The following MOCOS variants were observed in gnomAD, a reference collection of about 807,000 sequenced individuals.
MOCOS encodes molybdenum cofactor sulfurase, also known as human molybdenum cofactor sulfurase.
A neutral mutation model predicts 83.6 loss-of-function variants in MOCOS; 86 were observed. The observed-to-expected ratio is 1.03, with a 90% CI of 0.86 to 1.23. The LOEUF (loss-of-function observed/expected upper bound fraction) is 1.23, where lower values mean the gene tolerates loss of function less well. MOCOS is among the 50% of genes most tolerant of loss of function. The probability of loss-of-function intolerance (pLI) is 0.00; values close to 1 mark genes in which losing one functional copy is unlikely to be tolerated. For synonymous variants in MOCOS, 445 were observed against 434.7 expected (o/e 1.02, Z -0.29); for missense variants, 1,120 against 1,126.9 (o/e 0.99, Z 0.09).
chr18:36,242,969 C>A (rs2091589361), intron 9 of MOCOS, among the ~76,000 whole-genome samples: 1 of 152,108 alleles, frequency 6.6e-6, no homozygotes, highest in South Asian at 2.1e-4. Context: ...TTATTGTTTT[C>A]CTTGTAGGTA....
chr18:36,210,276 T>C (rs2091449582), intron 6 of MOCOS, among the ~76,000 whole-genome samples: 1 of 152,198 alleles, frequency 6.6e-6, no homozygotes, highest in Non-Finnish European at 1.5e-5. Context: ...AGAATACTAT[T>C]GGGCAATATT....
At chr18:36,201,234 C>T (rs2144902504) in intron 4 of MOCOS, among the ~76,000 whole-genome samples, 1 of 152,288 alleles carries the variant, frequency 6.6e-6, no homozygotes, top group East Asian at 1.9e-4. Flanking sequence ...AGGGCCATGG[C>T]CTTGACGATA....
chr18:36,189,179 C>A (rs1227092390), intron 1 of MOCOS, among the ~76,000 whole-genome samples: 1 of 152,106 alleles, frequency 6.6e-6, no homozygotes, highest in African/African-American at 2.4e-5. Flanking sequence ...ATGTTCTGGT[C>A]CCCTCCTGGT....
At position 36,268,602 on chromosome 18, in the gene MOCOS, T is replaced by C; in HGVS notation, c.2584T>C (p.Ser862Pro). The stretch of plus-strand genomic sequence containing the variant: ...CTCCCCATGTTTCCTGTCTGTAGGA[T>C]CTCAGGTGCTCCCTGTGTTGAAAGA... The part of the protein sequence containing the change: ...LSSPCFLSVG[S>P]QVLPVLKENV... Residue 862 changes from serine to proline, a missense_variant, in exon 15 of 15, where the codon TCT becomes CCT. Transcript: ENST00000261326. 6.2e-7 allele frequency: 1 copy of C among 1,614,136 alleles called. No homozygotes were observed. The highest frequency in any genetic ancestry group is 8.5e-7 in the Non-Finnish European group (1 of 1,180,000).
chr18:36,208,320 T>C (rs1598875085), intron 6 of MOCOS, among the ~76,000 whole-genome samples: 1 of 144,094 alleles, frequency 6.9e-6, no homozygotes, highest in South Asian at 2.2e-4. Flanking sequence ...AGTTTTTTTT[T>C]CTAATTCCAT....
intron 2 of MOCOS, 54 bp from the exon 3 acceptor site, chr18:36,198,635 CA>C (rs1438525511): frequency 4.5e-6 from 7 of 1,569,888 alleles, no homozygotes; most frequent in African/African-American, 4.1e-5. Context: ...AGAAGGAACA[CA>C]AAAGAAGCGA....
Position 36,203,133 on chromosome 18 carries a change from C to A in MOCOS, c.962C>A (p.Ser321Ter). The stretch of plus-strand genomic sequence containing the variant: ...TATAGGTTTGAAGATGGCACCATCT[C>A]ATTCCTTGATGTTATCGCGCTAAAA... The part of the protein sequence containing the change: ...VAQRFEDGTI[S>*]FLDVIALKHG... The change falls in exon 5 of 15, where the codon TCA (serine) becomes TAA (stop). Residue 321 changes from serine to a stop codon, truncating the protein, a stop_gained. Coordinates refer to ENST00000261326, the MANE Select transcript of MOCOS (RefSeq NM_017947.4). LOFTEE classifies it high-confidence loss of function. 6.2e-7 allele frequency: 1 copy of A among 1,614,222 alleles called. No individual in the cohort carries two copies. Among genetic ancestry groups the A allele is most frequent in the Non-Finnish European group, 8.5e-7 (1 of 1,180,040 alleles).
rs764710226 is a variant in MOCOS at position 36,248,945 on chromosome 18, C to T, written c.1984C>T (p.Leu662Phe). The change falls in exon 10 of 15, where the codon CTT becomes TTT. Residue 662 changes from leucine to phenylalanine, a missense_variant. Physicochemically the swap from Leu to Phe is conservative, Grantham distance 22. Coordinates refer to ENST00000261326, the MANE Select transcript of MOCOS (RefSeq NM_017947.4). Reference sequence around the variant, plus strand: ...AGGGATGGAGCCTATAGAGGTGCCTCTTGAGGAAAATAGTGAACGGACTCA... The same window carrying T: ...AGGGATGGAGCCTATAGAGGTGCCTTTTGAGGAAAATAGTGAACGGACTCA... Reference protein sequence around the residue: ...AKGMEPIEVPLEENSERTQIR... With the variant: ...AKGMEPIEVPFEENSERTQIR... 1.2e-6 allele frequency: 2 copies of T among 1,614,074 alleles called. No individual in the cohort carries two copies. The highest frequency in any genetic ancestry group is 1.7e-6 in the Non-Finnish European group (2 of 1,179,998).
rs149368162 is a variant in MOCOS, at chr18:36,211,747, T to C, written c.1219-1619T>C. ...GTGTGGCTGCAACAGCATCTTCTGC[T>C]CACATCCTCTCCTGCCATGAGACTT... On this transcript the variant is annotated intron_variant, in intron 6 of 14. Coordinates refer to ENST00000261326, the MANE Select transcript of MOCOS (RefSeq NM_017947.4). 7.6e-4 allele frequency among the ~76,000 whole-genome samples: 115 copies of C among 152,174 alleles called. 1 individual carries two copies. The highest frequency in any genetic ancestry group is 2.5e-3 in the African/African-American group (102 of 41,454).
At chr18:36,263,865 GA>G (rs2091672381) in intron 13 of MOCOS, among the ~76,000 whole-genome samples, 1 of 152,138 alleles carries the variant, frequency 6.6e-6, no homozygotes, top group Admixed American at 6.5e-5. Context: ...GATTTTTTAA[GA>G]AAATTGTTTC....
intron 1 of MOCOS, among the ~76,000 whole-genome samples, chr18:36,193,040 G>T (rs920944416): frequency 6.6e-6 from 1 of 151,934 alleles, no homozygotes; most frequent in East Asian, 2.0e-4. Context: ...GGCCGGGCGC[G>T]GTGGCTCACG....
At chr18:36,210,859 A>AAAAAAAAAAAAAAAG (rs2091452882) in intron 6 of MOCOS, among the ~76,000 whole-genome samples, 1 of 69,536 alleles carries the variant, frequency 1.4e-5, no homozygotes, top group Non-Finnish European at 3.2e-5. Context: ...TCAAAAAAAA[A>AAAAAAAAAAAAAAAG]AAAAAAAAAA....
chr18:36,237,935 A>G (rs950052358), intron 9 of MOCOS, among the ~76,000 whole-genome samples: 5 of 151,944 alleles, frequency 3.3e-5, no homozygotes, highest in African/African-American at 4.8e-5. Context: ...TGTTTGTAGT[A>G]TTCTCTGACG....
In MOCOS at chr18:36,240,040, AT is replaced by A. The variant is rs1426027250; in HGVS notation, c.1961-8875del. Among the ~76,000 whole-genome samples the A allele has an allele frequency of 2.6e-5, 3 of 115,616 alleles. No homozygotes were observed. The South Asian group carries it at 8.5e-4, about 33-fold the overall frequency. 75.8% of individuals were successfully genotyped at this position (115,616 alleles called of 152,430 possible). A position where few individuals can be genotyped will look rare whatever the true frequency, so the allele number is the denominator to read the frequency against. On this transcript the variant is annotated intron_variant, in intron 9 of 14. Coordinates refer to ENST00000261326, the MANE Select transcript of MOCOS (RefSeq NM_017947.4). Reference sequence around the variant, plus strand: ...TTATTCTAGTTATACATTCTTCTAAATTTTTTTCAAAGTTTTCAACTTCTTT... The same window carrying A: ...TTATTCTAGTTATACATTCTTCTAAATTTTTTCAAAGTTTTCAACTTCTTT...
intron 9 of MOCOS, among the ~76,000 whole-genome samples, chr18:36,245,557 T>G (rs961364939): frequency 6.6e-6 from 1 of 152,226 alleles, no homozygotes; most frequent in African/African-American, 2.4e-5. Context: ...GCTCTTTAGA[T>G]TCTTTCCTTC....
intron 2 of MOCOS, among the ~76,000 whole-genome samples, chr18:36,195,879 G>C (rs1010948859): frequency 6.6e-5 from 10 of 152,218 alleles, no homozygotes; most frequent in Non-Finnish European, 1.3e-4. Context: ...CTGGTTCCAG[G>C]CCAGCCTGTA....
rs116559411 is a variant in MOCOS, at chr18:36,247,258, G to C, written c.1961-1664G>C. On this transcript the variant is annotated intron_variant, in intron 9 of 14. Transcript: ENST00000261326. Reference sequence around the variant, plus strand: ...ACAGGCATCTGGTAAGCAGGGCTGAGATCTTGCCCCAGGCTACAAGCCTCC... The same window carrying C: ...ACAGGCATCTGGTAAGCAGGGCTGACATCTTGCCCCAGGCTACAAGCCTCC... Among the ~76,000 whole-genome samples, 1,015 of 152,324 alleles carry C rather than the reference G, an allele frequency of 6.7e-3. 17 individuals are homozygous for C. The highest frequency in any genetic ancestry group is 0.023 in the African/African-American group (963 of 41,562).
chr18:36,228,816 T>A (rs895036918), intron 9 of MOCOS, among the ~76,000 whole-genome samples: 1 of 147,722 alleles, frequency 6.8e-6, no homozygotes, highest in African/African-American at 2.5e-5. Context: ...CCTGCACTTG[T>A]ACCACGGAAC....
In MOCOS at chr18:36,198,846, G is replaced by A. The variant is rs2091400750; in HGVS notation, c.299+90G>A. On this transcript the variant is annotated intron_variant, in intron 3 of 14. Coordinates refer to ENST00000261326, the MANE Select transcript of MOCOS (RefSeq NM_017947.4). ...TGCCTGCATCCCACAAAAGTTCTGA[G>A]TTGGTTTCAGGAGGATCACAGTTGG... The A allele has an allele frequency of 2.1e-6, 3 of 1,411,588 alleles. No homozygotes were observed. The Admixed American group carries it at 5.2e-5, about 24-fold the overall frequency. 87.4% of individuals were successfully genotyped at this position (1,411,588 alleles called of 1,614,324 possible).
Sources: allele counts gnomAD v4.1 joint callset (sites outside exome capture counted in the v4.1 genomes callset), GRCh38; gene constraint gnomAD v4.1.1; transcripts MANE v1.5; gene names NCBI Gene and HGNC (gene_info 2026-07-23, HGNC 2026-07-21).